Variants in PKHD1 observed in about 807,000 individuals in gnomAD.
PKHD1 encodes the protein fibrocystin.
PKHD1 carries 291 observed loss-of-function variants against 412.0 expected under a neutral mutation model. The observed-to-expected ratio is 0.71, with a 90% CI of 0.64 to 0.78. PKHD1 has a LOEUF of 0.78. Among genes scored for constraint, PKHD1 ranks in the 30% least tolerant of loss-of-function variants. The pLI, the probability that PKHD1 is intolerant of heterozygous loss-of-function variation, is 0.00. For synonymous variants in PKHD1, 1,777 were observed against 1,821.5 expected (o/e 0.98, Z 0.62); for missense variants, 4,825 against 4,950.7 (o/e 0.97, Z 0.76).
intron 60 of PKHD1, among the ~76,000 whole-genome samples, chr6:51,694,600 G>A (rs1017580903): frequency 5.1e-5 from 6 of 118,466 alleles, no homozygotes; most frequent in Admixed American, 2.5e-4. Flanking sequence ...TCACCATGTC[G>A]GCCAGGCTGG....
At position 52,073,500 on chromosome 6, in the gene PKHD1, A is replaced by G. The variant is rs756591182; in HGVS notation, c.490T>C (p.Leu164=). The change falls in exon 7 of 67, where the codon TTG becomes CTG. Residue 164 remains leucine, a synonymous_variant. Coordinates refer to ENST00000371117, the MANE Select transcript of PKHD1 (RefSeq NM_138694.4). ...HVYGWIITGR[L]ETFDFDAEYI... is the part of the protein sequence containing the mutation. ...TCAGCATCAAAATCAAAAGTTTCCA[A>G]TCTTCCAGTGATAATCCAGCCATAT... 1.2e-6 allele frequency: 2 copies of G among 1,609,470 alleles called. No individual in the cohort carries two copies. The highest frequency in any genetic ancestry group is 2.7e-5 in the African/African-American group (2 of 74,830).
chr6:51,938,663 G>A (rs1787917741), intron 36 of PKHD1, among the ~76,000 whole-genome samples: 1 of 151,366 alleles, frequency 6.6e-6, no homozygotes, highest in African/African-American at 2.4e-5. Context: ...CCTGTTTGGT[G>A]GTCTCTTCAC....
chr6:51,788,080 G>A (rs1037920472), intron 53 of PKHD1, among the ~76,000 whole-genome samples: 1 of 152,058 alleles, frequency 6.6e-6, no homozygotes, highest in Non-Finnish European at 1.5e-5. Flanking sequence ...TGAAGGGATA[G>A]GTAAAAAGTA....
intron 46 of PKHD1, 49 bp from the exon 47 acceptor site, chr6:51,870,688 A>G (rs371618415): frequency 2.6e-5 from 37 of 1,427,024 alleles, no homozygotes; most frequent in Non-Finnish European, 3.3e-5. Flanking sequence ...AAAACTGGAC[A>G]CATGAAATAC....
chr6:51,872,111 G>A (rs1265198367), intron 46 of PKHD1, among the ~76,000 whole-genome samples: 1 of 152,066 alleles, frequency 6.6e-6, no homozygotes. Context: ...ACATTAAGAT[G>A]AGAAAAACAT....
At position 51,748,432 on chromosome 6, in the gene PKHD1, T is replaced by TAGGCTGTGTCATCAGAACCACA; in HGVS notation, c.9183_9184insTGTGGTTCTGATGACACAGCCT (p.Asn3062CysfsTer8). ...TGTGTCATCAGAACCACAAGGTTATTAGTGACAGTATAGGCCTGACCCTCT... is the reference window on the plus strand; with the variant it reads ...TGTGTCATCAGAACCACAAGGTTATTAGGCTGTGTCATCAGAACCACAAGTGACAGTATAGGCCTGACCCTCT... On this transcript the variant is annotated frameshift_variant, in exon 58 of 67. Transcript: ENST00000371117. LOFTEE classifies it high-confidence loss of function. 6.2e-7 allele frequency: 1 copy of TAGGCTGTGTCATCAGAACCACA among 1,614,076 alleles called. No individual in the cohort carries two copies. Among genetic ancestry groups the TAGGCTGTGTCATCAGAACCACA allele is most frequent in the Non-Finnish European group, 8.5e-7 (1 of 1,179,974 alleles).
At chr6:51,686,040 C>T (rs1777387456) in intron 60 of PKHD1, among the ~76,000 whole-genome samples, 1 of 152,156 alleles carries the variant, frequency 6.6e-6, no homozygotes. Context: ...ATTTTTCTAA[C>T]ACTCTTTCTC....
At chr6:51,826,105 A>G (rs920105659) in intron 52 of PKHD1, among the ~76,000 whole-genome samples, 8 of 152,272 alleles carry the variant, frequency 5.3e-5, no homozygotes, top group African/African-American at 1.9e-4. Flanking sequence ...CCTCCCCTCA[A>G]AAATTACTTT....
At chr6:51,799,348 A>G (rs1369867281) in intron 52 of PKHD1, among the ~76,000 whole-genome samples, 4 of 151,812 alleles carry the variant, frequency 2.6e-5, no homozygotes, top group Admixed American at 1.3e-4. Context: ...TTCCTTTCCC[A>G]TAATGTGACA....
chr6:51,836,277 A>T, intron 51 of PKHD1, 127 bp downstream of exon 51: 1 of 733,764 alleles, frequency 1.4e-6, no homozygotes, highest in Non-Finnish European at 2.5e-6. Flanking sequence ...ATAGAGAGTT[A>T]TCAGACATAT....
intron 60 of PKHD1, among the ~76,000 whole-genome samples, chr6:51,671,804 C>T (rs531875037): frequency 1.3e-5 from 2 of 152,026 alleles, no homozygotes; most frequent in Admixed American, 1.3e-4. Flanking sequence ...GGGGTACCCG[C>T]CCGTGTGAGG....
chr6:51,906,939 C>A (rs1583307613), intron 40 of PKHD1, among the ~76,000 whole-genome samples: 1 of 152,206 alleles, frequency 6.6e-6, no homozygotes, highest in Middle Eastern at 3.4e-3. Flanking sequence ...AAAATCATTA[C>A]ACTGGTTCCA....
chr6:51,704,907 A>C (rs941693049), intron 60 of PKHD1, among the ~76,000 whole-genome samples: 2 of 152,048 alleles, frequency 1.3e-5, no homozygotes, highest in African/African-American at 4.8e-5. Flanking sequence ...AGTTAAAGAC[A>C]AACTTTAGAG....
At chr6:51,836,508 A>C in intron 50 of PKHD1, 39 bp from the exon 51 acceptor site, 1 of 1,377,934 alleles carries the variant, frequency 7.3e-7, no homozygotes, top group Non-Finnish European at 1.0e-6. Context: ...TGATACAAAG[A>C]TCATCTTAAT....
intron 52 of PKHD1, among the ~76,000 whole-genome samples, chr6:51,821,659 T>C (rs909207844): frequency 7.2e-5 from 11 of 152,216 alleles, no homozygotes; most frequent in Admixed American, 5.9e-4. Flanking sequence ...GTTGTGTTTT[T>C]GTAATACTCT....
chr6:51,977,467 C>G (rs952810020), intron 35 of PKHD1, among the ~76,000 whole-genome samples: 3 of 152,206 alleles, frequency 2.0e-5, no homozygotes, highest in Non-Finnish European at 2.9e-5. Context: ...GCCTTTCACC[C>G]CTGTTCTACC....
In PKHD1 at chr6:51,855,986, T is replaced by G. The variant is rs767241050; in HGVS notation, c.7818A>C (p.Thr2606=). 5 of 1,610,196 alleles carry G rather than the reference T, an allele frequency of 3.1e-6. No homozygotes were observed. In the African/African-American group the frequency reaches 4.0e-5, roughly 13 times the overall value. ...CCATCCAGCCACGAGGGTTAGACAATGTATCACGTACATAATTGACAGTGG... is the reference window on the plus strand; with the variant it reads ...CCATCCAGCCACGAGGGTTAGACAAGGTATCACGTACATAATTGACAGTGG... ...KTTTVNYVRD[T]LSNPRGWMAL... Residue 2606 remains threonine, a synonymous_variant, in exon 49 of 67, where the codon ACA becomes ACC. Transcript: ENST00000371117.
rs768019626 is a variant in PKHD1, at chr6:52,053,183, G to A, written c.2033C>T (p.Pro678Leu). 25 of 1,614,060 alleles carry A rather than the reference G, an allele frequency of 1.5e-5. No homozygotes were observed. The highest frequency in any genetic ancestry group is 2.2e-5 in the East Asian group (1 of 44,890). Residue 678 changes from proline (P) to leucine (L), a missense_variant, in exon 21 of 67, where the codon CCG becomes CTG. By Grantham distance (98) the Pro-to-Leu change is moderately conservative. Transcript: ENST00000371117. The stretch of plus-strand genomic sequence containing the variant: ...ATGAACCAGCACTGGGGAGTTTGCC[G>A]GAGGGGGCTGGAGATCCCCGAAGCA... ...VRCFGDLQPP[P>L]ANSPVLVHQI...
At chr6:51,901,282 A>G (rs977336218) in intron 43 of PKHD1, among the ~76,000 whole-genome samples, 3 of 152,230 alleles carry the variant, frequency 2.0e-5, no homozygotes, top group African/African-American at 7.2e-5. Context: ...AATGTCCAAC[A>G]ATGATAGACT....
Sources: gnomAD v4.1 joint callset for allele counts (sites outside exome capture counted in the v4.1 genomes callset) on GRCh38, gnomAD v4.1.1 for gene constraint, MANE v1.5 for transcripts, NCBI Gene and HGNC (gene_info 2026-07-23, HGNC 2026-07-21) for gene names.